CNTN5: variants seen among roughly 807,000 people sequenced by gnomAD.
CNTN5 encodes the protein contactin-5.
In CNTN5, 77 loss-of-function variants were observed where a neutral mutation model predicts 129.1. That is an observed-to-expected ratio of 0.60 (90% CI 0.50 to 0.72). The LOEUF is 0.72. Among genes scored for constraint, CNTN5 ranks in the 30% least tolerant of loss-of-function variants. The probability of loss-of-function intolerance (pLI) is 0.00; values close to 1 mark genes in which losing one functional copy is unlikely to be tolerated. For synonymous variants in CNTN5, 509 were observed against 465.6 expected, an observed-to-expected ratio of 1.09 and a Z score of -1.20; for missense variants, 1,478 against 1,328.8, an observed-to-expected ratio of 1.11 and a Z score of -1.75.
chr11:99,462,512 T>C (rs545766762), intron 2 of CNTN5, among the ~76,000 whole-genome samples: 7 of 152,268 alleles, frequency 4.6e-5, no homozygotes, highest in African/African-American at 1.7e-4. Context: ...CTACTGTAAG[T>C]TGATTCTTAA....
At chr11:99,342,881 T>C (rs1866587526) in intron 2 of CNTN5, among the ~76,000 whole-genome samples, 1 of 152,124 alleles carries the variant, frequency 6.6e-6, no homozygotes, top group African/African-American at 2.4e-5. Flanking sequence ...AGCTGAGATA[T>C]TAGTAATATT....
At chr11:99,918,935 C>T (rs867863442) in intron 7 of CNTN5, among the ~76,000 whole-genome samples, 2 of 152,164 alleles carry the variant, frequency 1.3e-5, no homozygotes, top group Middle Eastern at 3.2e-3. Context: ...AACCGCCCTT[C>T]CTGCCAGTGT....
intron 3 of CNTN5, among the ~76,000 whole-genome samples, chr11:99,722,799 T>G (rs1470722872): frequency 6.6e-6 from 1 of 151,730 alleles, no homozygotes; most frequent in Non-Finnish European, 1.5e-5. Flanking sequence ...TATGGGGAGA[T>G]ATAGCCCATA....
intron 17 of CNTN5, 27 bp from the exon 18 acceptor site, chr11:100,271,065 G>GAC: frequency 6.4e-7 from 1 of 1,564,576 alleles, no homozygotes; most frequent in Non-Finnish European, 8.7e-7. Context: ...TCCTCATAAT[G>GAC]ACATGAAATT....
intron 2 of CNTN5, among the ~76,000 whole-genome samples, chr11:99,400,406 T>C (rs914590444): frequency 6.6e-6 from 1 of 152,130 alleles, no homozygotes; most frequent in Non-Finnish European, 1.5e-5. Flanking sequence ...AGAATTTCAT[T>C]CTTTTTTTAT....
intron 2 of CNTN5, among the ~76,000 whole-genome samples, chr11:99,551,450 C>A (rs1168560774): frequency 6.6e-6 from 1 of 152,030 alleles, no homozygotes; most frequent in Non-Finnish European, 1.5e-5. Flanking sequence ...TTAACTGGGG[C>A]AAATTAGCTT....
chr11:99,671,489 C>G (rs1281349593), intron 3 of CNTN5, among the ~76,000 whole-genome samples: 1 of 151,958 alleles, frequency 6.6e-6, no homozygotes, highest in Non-Finnish European at 1.5e-5. Context: ...GAGTGAAACA[C>G]ATGCAAATAG....
At chr11:99,877,512 A>G (rs781762274) in intron 6 of CNTN5, among the ~76,000 whole-genome samples, 1 of 152,234 alleles carries the variant, frequency 6.6e-6, no homozygotes, top group Non-Finnish European at 1.5e-5. Flanking sequence ...ATCCCACAGC[A>G]TTAAAAAATC....
At chr11:99,696,904 A>G (rs1242598329) in intron 3 of CNTN5, among the ~76,000 whole-genome samples, 2 of 151,942 alleles carry the variant, frequency 1.3e-5, no homozygotes, top group African/African-American at 4.8e-5. Context: ...AATAGTTTAC[A>G]AAGAACTTAA....
At chr11:99,177,430 A>T (rs1857829872) in intron 1 of CNTN5, among the ~76,000 whole-genome samples, 1 of 152,242 alleles carries the variant, frequency 6.6e-6, no homozygotes, top group South Asian at 2.1e-4. Context: ...GAGACATTTA[A>T]CGAAATAGGG....
At chr11:99,090,395 C>T (rs558575971) in intron 1 of CNTN5, among the ~76,000 whole-genome samples, 6 of 152,248 alleles carry the variant, frequency 3.9e-5, no homozygotes, top group African/African-American at 1.4e-4. Flanking sequence ...CTAAATTTTA[C>T]AGTTTTCTCA....
At chr11:99,116,777 G>A (rs762545408) in intron 1 of CNTN5, among the ~76,000 whole-genome samples, 88 of 152,290 alleles carry the variant, frequency 5.8e-4, no homozygotes, top group Non-Finnish European at 7.6e-4. Context: ...AGTGGTTGGC[G>A]AGTTAGGAAA....
At chr11:100,093,651 A>C (rs1006675444) in intron 13 of CNTN5, among the ~76,000 whole-genome samples, 4 of 152,132 alleles carry the variant, frequency 2.6e-5, no homozygotes, top group Admixed American at 2.0e-4. Flanking sequence ...AGGGTTCTCT[A>C]ATTTTTTCTA....
chr11:99,752,519 GATAAA>G (rs1487580871), intron 3 of CNTN5, among the ~76,000 whole-genome samples: 2 of 152,126 alleles, frequency 1.3e-5, no homozygotes, highest in African/African-American at 2.4e-5. Context: ...GAAAATAAGT[GATAAA>G]ATAAGAAACC....
intron 13 of CNTN5, among the ~76,000 whole-genome samples, chr11:100,113,080 A>C (rs1343284048): frequency 4.6e-5 from 7 of 152,086 alleles, no homozygotes; most frequent in Admixed American, 4.6e-4. Flanking sequence ...GTCTTTCATT[A>C]TGGAAGTCAA....
intron 13 of CNTN5, among the ~76,000 whole-genome samples, chr11:100,128,862 T>C (rs1269759144): frequency 1.3e-5 from 2 of 151,982 alleles, no homozygotes; most frequent in Non-Finnish European, 2.9e-5. Context: ...ATATAAAATA[T>C]TACTTGCCCA....
At chr11:99,767,266 A>G (rs548830688) in intron 3 of CNTN5, among the ~76,000 whole-genome samples, 3 of 152,198 alleles carry the variant, frequency 2.0e-5, no homozygotes, top group African/African-American at 7.2e-5. Context: ...TCACTTGTAA[A>G]ACTAATGCCA....
At chr11:100,146,446 A>G (rs968953819) in intron 13 of CNTN5, among the ~76,000 whole-genome samples, 6 of 152,160 alleles carry the variant, frequency 3.9e-5, no homozygotes, top group African/African-American at 1.4e-4. Flanking sequence ...CATTAGATCT[A>G]TGATTTTTAT....
intron 1 of CNTN5, among the ~76,000 whole-genome samples, chr11:99,032,068 C>A (rs1435908839): frequency 2.6e-5 from 4 of 152,042 alleles, no homozygotes; most frequent in African/African-American, 4.8e-5. Context: ...CTTCCAATTT[C>A]ATCCACGTCC....
Sources: allele counts gnomAD v4.1 joint callset (sites outside exome capture counted in the v4.1 genomes callset), GRCh38; gene constraint gnomAD v4.1.1; transcripts MANE v1.5; gene names NCBI Gene and HGNC (gene_info 2026-07-23, HGNC 2026-07-21).